RPS6KC1: variants seen among roughly 807,000 people sequenced by gnomAD.
RPS6KC1 encodes ribosomal protein S6 kinase C1.
Under a neutral mutation model 103.8 loss-of-function variants are expected in RPS6KC1, and 54 were observed. That is an observed-to-expected ratio of 0.52 (90% CI 0.42 to 0.65). The LOEUF is 0.65. Among genes scored for constraint, RPS6KC1 ranks in the 30% least tolerant of loss-of-function variants. The pLI is 0.00. For synonymous variants in RPS6KC1, 439 were observed against 438.7 expected (o/e 1.00, Z -0.01); for missense variants, 1,151 against 1,253.8 (o/e 0.92, Z 1.24).
chr1:213,800,720 G>A, the RPS6KC1 span, among the ~76,000 whole-genome samples: 1 of 152,150 alleles, frequency 6.6e-6, no homozygotes, highest in South Asian at 2.1e-4. Context: ...TTTCTTAGCA[G>A]ACATTAAACA....
chr1:213,057,187 C>T (rs556521988), intron 1 of RPS6KC1, among the ~76,000 whole-genome samples: 1 of 152,126 alleles, frequency 6.6e-6, no homozygotes, highest in South Asian at 2.1e-4. Flanking sequence ...GTGATCCACC[C>T]ATCTCAGCCT....
the RPS6KC1 span, among the ~76,000 whole-genome samples, chr1:213,370,659 C>G: frequency 2.0e-5 from 3 of 152,168 alleles, no homozygotes; most frequent in African/African-American, 4.8e-5. Context: ...GTTATTAGTC[C>G]CATTCAATAG....
At chr1:213,828,632 A>G in the RPS6KC1 span, among the ~76,000 whole-genome samples, 33 of 152,296 alleles carry the variant, frequency 2.2e-4, no homozygotes, top group Non-Finnish European at 4.6e-4. Context: ...ATTGGAATTC[A>G]TAAAATTTTG....
At chr1:213,704,794 C>G in the RPS6KC1 span, among the ~76,000 whole-genome samples, 2,340 of 152,292 alleles carry the variant, frequency 0.015, 56 homozygotes, top group African/African-American at 0.054. Flanking sequence ...TTCAAAAAGA[C>G]TTGGGTGTTG....
the RPS6KC1 span, among the ~76,000 whole-genome samples, chr1:213,823,749 C>CACACACACACACACAA: frequency 1.3e-5 from 2 of 151,756 alleles, no homozygotes; most frequent in African/African-American, 4.8e-5. Context: ...CACACACACA[C>CACACACACACACACAA]ACACCACACC....
intron 5 of RPS6KC1, chr1:213,125,687 T>G (rs1330740456): frequency 6.6e-6 from 1 of 151,198 alleles, no homozygotes; most frequent in Non-Finnish European, 1.5e-5. Flanking sequence ...GATGCCGAAT[T>G]AAGAAATTAT....
rs148292280 is a variant in RPS6KC1, at chr1:213,112,533, G to C, written c.379-4784G>C. Among the ~76,000 whole-genome samples, 1,062 of 150,996 alleles carry C rather than the reference G, an allele frequency of 7.0e-3. 14 individuals are homozygous for C. Among genetic ancestry groups the C allele is most frequent in the African/African-American group, 0.024 (1,006 of 41,294 alleles). On this transcript the variant is annotated intron_variant, in intron 4 of 14. Transcript: ENST00000366960. ...TGTTTTACCTATATTGTATACAAGT[G>C]GTTCTCAAACTTTTTTTTTATTTTT...
chr1:213,234,104 C>A (rs981802887), intron 10 of RPS6KC1, among the ~76,000 whole-genome samples: 1 of 150,650 alleles, frequency 6.6e-6, no homozygotes, highest in African/African-American at 2.4e-5. Flanking sequence ...CTCACTGTAA[C>A]CTTGAACTCT....
chr1:213,379,917 C>A, the RPS6KC1 span, among the ~76,000 whole-genome samples: 1 of 152,068 alleles, frequency 6.6e-6, no homozygotes, highest in Middle Eastern at 3.2e-3. Flanking sequence ...GATAGTGTGG[C>A]AATTCCTCAA....
the RPS6KC1 span, among the ~76,000 whole-genome samples, chr1:213,407,586 C>A: frequency 2.6e-5 from 4 of 152,138 alleles, no homozygotes; most frequent in African/African-American, 9.7e-5. Context: ...ATTGAAGATG[C>A]CTAATAAACA....
intron 6 of RPS6KC1, among the ~76,000 whole-genome samples, chr1:213,146,411 A>G (rs1558413171): frequency 6.6e-6 from 1 of 150,934 alleles, no homozygotes; most frequent in Admixed American, 6.7e-5. Context: ...TATGCGTAGC[A>G]GTGGGATTGC....
the RPS6KC1 span, among the ~76,000 whole-genome samples, chr1:213,381,030 C>A: frequency 6.6e-6 from 1 of 152,152 alleles, no homozygotes; most frequent in Non-Finnish European, 1.5e-5. Context: ...ACTCGTAGAG[C>A]TTGGGAAGTG....
At chr1:213,320,277 T>C in the RPS6KC1 span, among the ~76,000 whole-genome samples, 1 of 152,234 alleles carries the variant, frequency 6.6e-6, no homozygotes, top group Non-Finnish European at 1.5e-5. Context: ...TTCAGTCAGG[T>C]ATATTTATCA....
the RPS6KC1 span, among the ~76,000 whole-genome samples, chr1:213,502,246 A>C: frequency 6.6e-6 from 1 of 152,206 alleles, no homozygotes; most frequent in South Asian, 2.1e-4. Context: ...TTAGAGTAAG[A>C]CTGGGATGAC....
At chr1:213,160,188 AT>A (rs1421345479) in intron 6 of RPS6KC1, among the ~76,000 whole-genome samples, 1 of 152,198 alleles carries the variant, frequency 6.6e-6, no homozygotes, top group Non-Finnish European at 1.5e-5. Context: ...TGTTCTCAAA[AT>A]GGGTTTCATC....
chr1:213,257,484 G>T (rs1252027080), intron 12 of RPS6KC1, among the ~76,000 whole-genome samples: 2 of 152,072 alleles, frequency 1.3e-5, no homozygotes, highest in African/African-American at 2.4e-5. Flanking sequence ...CAGATGTCCT[G>T]CTTCTTCCTG....
the RPS6KC1 span, among the ~76,000 whole-genome samples, chr1:213,772,548 G>A: frequency 1.3e-5 from 2 of 152,174 alleles, no homozygotes; most frequent in Admixed American, 1.3e-4. Flanking sequence ...GAGAGAATGG[G>A]AGACTTTCAG....
At chr1:213,814,120 AG>A in the RPS6KC1 span, among the ~76,000 whole-genome samples, 2 of 152,384 alleles carry the variant, frequency 1.3e-5, no homozygotes, top group African/African-American at 4.8e-5. Context: ...ACCAGACAGC[AG>A]AGGCAGTGAT....
chr1:213,173,889 T>A (rs527264685), intron 7 of RPS6KC1, among the ~76,000 whole-genome samples: 23 of 152,242 alleles, frequency 1.5e-4, no homozygotes, highest in African/African-American at 5.3e-4. Context: ...CTTTCTTTGC[T>A]CTTTAAATTG....
Sources: allele counts gnomAD v4.1 joint callset (sites outside exome capture counted in the v4.1 genomes callset), GRCh38; gene constraint gnomAD v4.1.1; transcripts MANE v1.5; gene names NCBI Gene and HGNC (gene_info 2026-07-23, HGNC 2026-07-21).